The following PCDHGA2 variants were observed in gnomAD, a reference collection of about 807,000 sequenced individuals.
The protein encoded by PCDHGA2 is protocadherin gamma subfamily A, 2, also known as protocadherin gamma-A2.
In PCDHGA2, 40 loss-of-function variants were observed where a neutral mutation model predicts 59.2. The ratio of observed to expected loss-of-function variants is 0.68; its 90% CI spans 0.52 to 0.88. The LOEUF (loss-of-function observed/expected upper bound fraction) is 0.88, where lower values mean the gene tolerates loss of function less well. Among genes scored for constraint, PCDHGA2 ranks in the 40% least tolerant of loss-of-function variants. The pLI is 0.00. For missense variants in PCDHGA2, 1,226 were observed against 1,204.0 expected (o/e 1.02, Z -0.27); for synonymous variants, 560 against 526.0 (o/e 1.06, Z -0.89).
intron 2 of PCDHGA2, among the ~76,000 whole-genome samples, chr5:141,504,143 C>A (rs2099835975): frequency 6.6e-6 from 1 of 152,136 alleles, no homozygotes; most frequent in Non-Finnish European, 1.5e-5. Flanking sequence ...CACTCCCCTG[C>A]AAATTGAAAT....
chr5:141,477,611 C>T lies in PCDHGA2; in HGVS notation c.2425-17196C>T. On this transcript the variant is annotated intron_variant, in intron 1 of 3. Coordinates refer to ENST00000394576, the MANE Select transcript of PCDHGA2 (RefSeq NM_018915.4). This position sits in a 1 kb window ranked among gnomAD's most constrained non-coding sequence, Gnocchi z 4.9. ...TCGGCTTTCTTTCTTTCTCTTGGAG[C>T]AAGGAGCTGAAACCGGGCTAGTGGG... is the stretch of plus-strand genomic sequence containing the variant. The T allele has an allele frequency of 6.2e-7, 1 of 1,614,188 alleles. No homozygotes were observed. The highest frequency in any genetic ancestry group is 8.5e-7 in the Non-Finnish European group (1 of 1,180,036).
In PCDHGA2 at chr5:141,389,747, G is replaced by C. The variant is rs766506538; in HGVS notation, c.2424+48352G>C. 6 of 1,612,724 alleles carry C rather than the reference G, an allele frequency of 3.7e-6. No individual in the cohort carries two copies. The South Asian group carries it at 4.4e-5, about 12-fold the overall frequency. ...GGCTCTTCAGCCTGGGGCTGCGCAC[G>C]GGCGAAGTGCGCACAGCGCGTGCCT... is the stretch of plus-strand genomic sequence containing the variant. On this transcript the variant is annotated intron_variant, in intron 1 of 3. Coordinates refer to ENST00000394576, the MANE Select transcript of PCDHGA2 (RefSeq NM_018915.4).
chr5:141,411,806 C>G (rs1276116820), intron 1 of PCDHGA2: 1 of 151,860 alleles, frequency 6.6e-6, no homozygotes, highest in Non-Finnish European at 1.5e-5. Flanking sequence ...CGCTTGAGCC[C>G]AGGAAGTCTA....
rs1562131721 is a variant in PCDHGA2, at chr5:141,489,636, C to CGAGA, written c.2425-5171_2425-5170insGAGA. 10 of 1,614,074 alleles carry CGAGA rather than the reference C, an allele frequency of 6.2e-6. No individual in the cohort carries two copies. The highest frequency in any genetic ancestry group is 2.7e-5 in the African/African-American group (2 of 74,930). On this transcript the variant is annotated intron_variant, in intron 1 of 3. Coordinates refer to ENST00000394576, the MANE Select transcript of PCDHGA2 (RefSeq NM_018915.4). This position sits in a 1 kb window ranked among gnomAD's most constrained non-coding sequence, Gnocchi z 4.5. ...TGGATCTCAATGACAACTCTCCTAG[C>CGAGA]TTTGCCACCCCTGAGCGAGAGATGC...
At chr5:141,372,971 AG>A in intron 1 of PCDHGA2, 1 of 677,376 alleles carries the variant, frequency 1.5e-6, no homozygotes, top group South Asian at 2.2e-5. Context: ...AATTTCCTGT[AG>A]AATATCTGTG....
chr5:141,400,524 G>T, intron 1 of PCDHGA2: 1 of 1,613,920 alleles, frequency 6.2e-7, no homozygotes, highest in Non-Finnish European at 8.5e-7. Flanking sequence ...ATCCTGAGTT[G>T]GTGAGTTTCA....
intron 1 of PCDHGA2, chr5:141,391,114 A>G (rs2092301730): frequency 6.6e-6 from 1 of 152,176 alleles, no homozygotes; most frequent in African/African-American, 2.4e-5. Context: ...TAATATAGCT[A>G]GAGGTCTTCT....
chr5:141,438,735 C>T (rs2098057719), intron 1 of PCDHGA2, among the ~76,000 whole-genome samples: 1 of 149,150 alleles, frequency 6.7e-6, no homozygotes, highest in South Asian at 2.1e-4. Context: ...GATCTCAGCT[C>T]ACTGCAACCT....
At chr5:141,420,713 G>T (rs1406572601) in intron 1 of PCDHGA2, among the ~76,000 whole-genome samples, 1 of 152,078 alleles carries the variant, frequency 6.6e-6, no homozygotes, top group African/African-American at 2.4e-5. Flanking sequence ...CAGAAATGTC[G>T]TTCCTTTCAG....
chr5:141,341,223 A>G lies in PCDHGA2; in HGVS notation c.2252A>G (p.Gln751Arg). 1 of 1,614,226 alleles carries G rather than the reference A, an allele frequency of 6.2e-7. No individual in the cohort carries two copies. Among genetic ancestry groups the G allele is most frequent in the Non-Finnish European group, 8.5e-7 (1 of 1,180,036 alleles). ...VGVDGVRAFL[Q>R]TYSHEVSLTA... The stretch of plus-strand genomic sequence containing the variant: ...GTGGACGGGGTTCGGGCTTTCCTGC[A>G]GACCTATTCCCACGAGGTCTCCCTC... Residue 751 changes from glutamine to arginine, a missense_variant, in exon 1 of 4, where the codon CAG (glutamine) becomes CGG (arginine). Transcript: ENST00000394576.
chr5:141,408,211 G>A (rs1285774248), intron 1 of PCDHGA2: 1 of 1,554,426 alleles, frequency 6.4e-7, no homozygotes, highest in South Asian at 1.2e-5. Flanking sequence ...CGATGGGAGG[G>A]AGCTGCGCGC....
chr5:141,361,139 T>C (rs1305491971), intron 1 of PCDHGA2: 10 of 1,613,760 alleles, frequency 6.2e-6, no homozygotes, highest in Admixed American at 1.7e-5. Flanking sequence ...AGTATCCAAG[T>C]TGAAATTCTT....
chr5:141,489,641 C>T lies in PCDHGA2; in HGVS notation c.2425-5166C>T, dbSNP rs1356716387. On this transcript the variant is annotated intron_variant, in intron 1 of 3. Coordinates refer to ENST00000394576, the MANE Select transcript of PCDHGA2 (RefSeq NM_018915.4). This position sits in a 1 kb window ranked among gnomAD's most constrained non-coding sequence, Gnocchi z 4.5. The stretch of plus-strand genomic sequence containing the variant: ...CTCAATGACAACTCTCCTAGCTTTG[C>T]CACCCCTGAGCGAGAGATGCGCATC... The T allele has an allele frequency of 2.5e-6, 4 of 1,614,008 alleles. No individual in the cohort carries two copies. The highest frequency in any genetic ancestry group is 3.4e-6 in the Non-Finnish European group (4 of 1,180,012).
chr5:141,375,581 C>T, intron 1 of PCDHGA2: 1 of 1,614,174 alleles, frequency 6.2e-7, no homozygotes, highest in Non-Finnish European at 8.5e-7. Context: ...CCAGGGGGCG[C>T]CCCTGTCCTC....
chr5:141,368,549 A>T (rs928426629), intron 1 of PCDHGA2, among the ~76,000 whole-genome samples: 5 of 152,138 alleles, frequency 3.3e-5, no homozygotes, highest in Non-Finnish European at 5.9e-5. Context: ...CATTTTTTTT[A>T]AAAGAAAATG....
intron 3 of PCDHGA2, chr5:141,507,166 GTCC>G (rs1475125845): frequency 6.6e-5 from 10 of 152,288 alleles, no homozygotes; most frequent in Non-Finnish European, 1.2e-4. Context: ...ATGAGAGGCT[GTCC>G]TCTTCCTCGA....
At chr5:141,386,590 G>A (rs1589020136) in intron 1 of PCDHGA2, among the ~76,000 whole-genome samples, 1 of 151,604 alleles carries the variant, frequency 6.6e-6, no homozygotes, top group Non-Finnish European at 1.5e-5. Context: ...TAGTGTGGGG[G>A]ATACATTTTT....
At chr5:141,413,390 C>T (rs1373497766) in intron 1 of PCDHGA2, 1 of 1,614,010 alleles carries the variant, frequency 6.2e-7, no homozygotes, top group African/African-American at 1.3e-5. Context: ...CGCATAGTCT[C>T]CAGAGGTAGG....
At chr5:141,453,420 C>A (rs2098764964) in intron 1 of PCDHGA2, among the ~76,000 whole-genome samples, 1 of 152,054 alleles carries the variant, frequency 6.6e-6, no homozygotes, top group African/African-American at 2.4e-5. Context: ...GCATAAGCCA[C>A]CACACCTAGC....
Sources: gnomAD v4.1 joint callset for allele counts (sites outside exome capture counted in the v4.1 genomes callset) on GRCh38, gnomAD v4.1.1 for gene constraint, Gnocchi (gnomAD v3.1) non-coding constraint, MANE v1.5 for transcripts, NCBI Gene and HGNC (gene_info 2026-07-23, HGNC 2026-07-21) for gene names.